PXN: variants seen among roughly 807,000 people sequenced by gnomAD.
The protein encoded by PXN is paxillin, also known as testicular tissue protein Li 134.
In PXN, 61 loss-of-function variants were observed where a neutral mutation model predicts 103.6. The observed-to-expected ratio is 0.59, with a 90% CI of 0.48 to 0.73. The LOEUF is 0.73. Ranked by LOEUF, PXN falls within the 30% of genes least tolerant of loss-of-function variation. The pLI, the probability that PXN is intolerant of heterozygous loss-of-function variation, is 0.00. For missense variants in PXN, 1,274 were observed against 1,460.3 expected (o/e 0.87, Z 2.08); for synonymous variants, 562 against 607.8 (o/e 0.92, Z 1.11).
chr12:120,265,707 C>A lies in PXN; in HGVS notation c.-78G>T. The A allele has an allele frequency of 8.0e-7, 1 of 1,249,392 alleles. No individual in the cohort carries two copies. The highest frequency in any genetic ancestry group is 1.6e-5 in the African/African-American group (1 of 63,328). 77.4% of individuals were successfully genotyped at this position (1,249,392 alleles called of 1,614,324 possible). On this transcript the variant is annotated 5_prime_UTR_variant, in exon 1 of 15. Coordinates refer to ENST00000637617, the MANE Select transcript of PXN (RefSeq NM_001385981.1). This position sits in a 1 kb window ranked among gnomAD's most constrained non-coding sequence, Gnocchi z 5.7. ...CGCTCGTCTATGCCCCGCAACTTTT[C>A]CGCCGCGAGCCTCGGCCCGGAACGG... is the stretch of plus-strand genomic sequence containing the variant.
intron 1 of PXN, among the ~76,000 whole-genome samples, chr12:120,259,148 T>G (rs982125173): frequency 6.6e-6 from 1 of 151,420 alleles, no homozygotes; most frequent in Non-Finnish European, 1.5e-5. Context: ...TCCCAGCACT[T>G]TGGGAGGCTG....
At chr12:120,246,467 C>T (rs1374281104) in intron 1 of PXN, among the ~76,000 whole-genome samples, 2 of 134,308 alleles carry the variant, frequency 1.5e-5, no homozygotes, top group Non-Finnish European at 3.1e-5. Context: ...GCAGAGGTTG[C>T]AGTGAGCCAT....
chr12:120,219,782 CCTGA>C lies in PXN; in HGVS notation c.1137_1140del (p.Ser379ArgfsTer82), dbSNP rs1884525715. The C allele has an allele frequency of 6.3e-7, 1 of 1,598,166 alleles. No homozygotes were observed. On this transcript the variant is annotated frameshift_variant, in exon 7 of 15. Transcript: ENST00000637617. LOFTEE classifies it high-confidence loss of function. The surrounding 1 kb of genome is among the most constrained non-coding windows in gnomAD (Gnocchi z 6.5). ...GTCGGCAGGTGCCTCCAATCTCGAC[CCTGA>C]CTCTCTGTGCCCACTGCCCACAGAG...
At position 120,215,766 on chromosome 12, in the gene PXN, G is replaced by A; in HGVS notation, c.2302-105C>T. On this transcript the variant is annotated intron_variant, in intron 9 of 14. Transcript: ENST00000637617. The surrounding 1 kb of genome is among the most constrained non-coding windows in gnomAD (Gnocchi z 4.9). ...AAGGGAATCTAGGATGAGATCTGAG[G>A]GTTTCTCCCCCACCGGCAGGACCAA... is the stretch of plus-strand genomic sequence containing the variant. 4.5e-6 allele frequency: 6 copies of A among 1,336,496 alleles called. No individual in the cohort carries two copies. The highest frequency in any genetic ancestry group is 5.9e-6 in the Non-Finnish European group (6 of 1,015,088). 82.8% of individuals were successfully genotyped at this position (1,336,496 alleles called of 1,614,324 possible).
Position 120,219,149 on chromosome 12 carries a change from G to A in PXN, c.1716+58C>T, listed in dbSNP as rs540042200. 7.2e-5 allele frequency: 104 copies of A among 1,441,144 alleles called. 1 individual carries two copies. Among genetic ancestry groups the A allele is most frequent in the East Asian group, 5.5e-4 (23 of 41,536 alleles). 89.3% of individuals were successfully genotyped at this position (1,441,144 alleles called of 1,614,324 possible). ...AGGCTGCATGCAGTTAGCGAGGAGC[G>A]GCCCACACTCAGACCCGCCAATGGC... On this transcript the variant is annotated intron_variant, in intron 7 of 14. Coordinates refer to ENST00000637617, the MANE Select transcript of PXN (RefSeq NM_001385981.1). This position sits in a 1 kb window ranked among gnomAD's most constrained non-coding sequence, Gnocchi z 6.5.
Position 120,221,604 on chromosome 12 carries a change from T to C in PXN, c.831+19A>G. 1 of 1,555,178 alleles carries C rather than the reference T, an allele frequency of 6.4e-7. No homozygotes were observed. The highest frequency in any genetic ancestry group is 2.4e-5 in the East Asian group (1 of 41,516). ...GGGAGGGGCGGCAGGGCAGGGAAGATGGAGGGTTCACAGGGCACCTTGAAA... is the reference window on the plus strand; with the variant it reads ...GGGAGGGGCGGCAGGGCAGGGAAGACGGAGGGTTCACAGGGCACCTTGAAA... On this transcript the variant is annotated intron_variant, in intron 6 of 14. Transcript: ENST00000637617. The surrounding 1 kb of genome is among the most constrained non-coding windows in gnomAD (Gnocchi z 6.6).
At chr12:120,264,884 T>G in intron 1 of PXN, among the ~76,000 whole-genome samples, 1 of 152,010 alleles carries the variant, frequency 6.6e-6, no homozygotes, top group East Asian at 1.9e-4. Flanking sequence ...ATTGAGGGGC[T>G]GGTCCACAGA....
At chr12:120,238,855 G>C (rs1291510430) in intron 1 of PXN, among the ~76,000 whole-genome samples, 2 of 152,194 alleles carry the variant, frequency 1.3e-5, no homozygotes, top group Non-Finnish European at 2.9e-5. Context: ...GGCAGTACCT[G>C]CTCTGTGCCT....
chr12:120,211,747 G>A lies in PXN; in HGVS notation c.*567C>T, dbSNP rs948104500. ...GCGGGTCTAAAAGGCAGGGGCAGTC[G>A]CCAGGCCTAGGGCACTGGAAGGGTA... On this transcript the variant is annotated 3_prime_UTR_variant, in exon 15 of 15. Coordinates refer to ENST00000637617, the MANE Select transcript of PXN (RefSeq NM_001385981.1). 39 of 351,270 alleles carry A rather than the reference G, an allele frequency of 1.1e-4. No homozygotes were observed. Among genetic ancestry groups the A allele is most frequent in the Non-Finnish European group, 1.4e-4 (25 of 175,472 alleles). The allele number at this position is 351,270 out of a possible 1,614,324, so 21.8% of individuals were successfully genotyped here. A position where few individuals can be genotyped will look rare whatever the true frequency, so the allele number is the denominator to read the frequency against.
chr12:120,237,148 TACAC>T (rs201905149), intron 1 of PXN, among the ~76,000 whole-genome samples: 27,652 of 137,288 alleles, frequency 0.2, 3,001 homozygotes, highest in East Asian at 0.38. Flanking sequence ...TGTGTGTGTA[TACAC>T]ACACACACAC....
chr12:120,258,054 G>A (rs1295857219), intron 1 of PXN, among the ~76,000 whole-genome samples: 2 of 152,016 alleles, frequency 1.3e-5, no homozygotes, highest in Non-Finnish European at 2.9e-5. Flanking sequence ...TTAGTCAGGC[G>A]TGATGACGCA....
At position 120,211,957 on chromosome 12, in the gene PXN, C is replaced by A. The variant is rs763443985; in HGVS notation, c.*357G>T. ...AGACCCTGCCTGCCCTTCCCTGCCC[C>A]CCGGCTGCACTGCTGAAATATGAGG... On this transcript the variant is annotated 3_prime_UTR_variant, in exon 15 of 15. Transcript: ENST00000637617. The A allele has an allele frequency of 8.9e-6, 5 of 559,932 alleles. No homozygotes were observed. Among genetic ancestry groups the A allele is most frequent in the South Asian group, 2.8e-5 (2 of 71,950 alleles). The allele number at this position is 559,932 out of a possible 1,614,324, so 34.7% of individuals were successfully genotyped here.
Position 120,247,655 on chromosome 12 carries a change from G to T in PXN, c.13+17962C>A, listed in dbSNP as rs75817804. ...ATAAGAAAAACGCCTCGTGATGAAGGTTCTAGGACAAGGGATCGTTTCCAG... is the reference window on the plus strand; with the variant it reads ...ATAAGAAAAACGCCTCGTGATGAAGTTTCTAGGACAAGGGATCGTTTCCAG... On this transcript the variant is annotated intron_variant, in intron 1 of 14. Coordinates refer to ENST00000637617, the MANE Select transcript of PXN (RefSeq NM_001385981.1). 5.6e-3 allele frequency: 881 copies of T among 157,208 alleles called. 9 individuals are homozygous for T. The highest frequency in any genetic ancestry group is 0.02 in the African/African-American group (846 of 41,622). 9.7% of individuals were successfully genotyped at this position (157,208 alleles called of 1,614,324 possible).
chr12:120,243,352 G>A (rs1459017212), intron 1 of PXN, among the ~76,000 whole-genome samples: 1 of 152,150 alleles, frequency 6.6e-6, no homozygotes, highest in South Asian at 2.1e-4. Flanking sequence ...TTAAGTAAAG[G>A]ACAAAGGTTG....
At chr12:120,241,688 C>T (rs897514386) in intron 1 of PXN, among the ~76,000 whole-genome samples, 7 of 152,206 alleles carry the variant, frequency 4.6e-5, no homozygotes, top group African/African-American at 1.7e-4. Flanking sequence ...GGAAAACAGC[C>T]TGGGAAAGTG....
chr12:120,217,193 C>A lies in PXN; in HGVS notation c.1717-77G>T. 8.2e-7 allele frequency: 1 copy of A among 1,221,586 alleles called. No individual in the cohort carries two copies. Among genetic ancestry groups the A allele is most frequent in the Non-Finnish European group, 1.1e-6 (1 of 871,336 alleles). 75.7% of individuals were successfully genotyped at this position (1,221,586 alleles called of 1,614,324 possible). The stretch of plus-strand genomic sequence containing the variant: ...ACGCTGCTCAGGCCACACTCAGATG[C>A]CTCAGGAGAGGGAGCACAAAAGAAA... On this transcript the variant is annotated intron_variant, in intron 7 of 14. Transcript: ENST00000637617. The surrounding 1 kb of genome is among the most constrained non-coding windows in gnomAD (Gnocchi z 4.1).
At chr12:120,235,447 C>G (rs2136450374) in intron 1 of PXN, among the ~76,000 whole-genome samples, 1 of 152,258 alleles carries the variant, frequency 6.6e-6, no homozygotes, top group Admixed American at 6.5e-5. Flanking sequence ...CATAAGGCCC[C>G]ACGAGGACTG....
intron 1 of PXN, among the ~76,000 whole-genome samples, chr12:120,227,794 C>T (rs1566402490): frequency 6.6e-6 from 1 of 152,182 alleles, no homozygotes. Context: ...CAGTAGACTC[C>T]TAGCTTTACT....
intron 1 of PXN, among the ~76,000 whole-genome samples, chr12:120,234,188 C>T (rs1286422302): frequency 6.6e-6 from 1 of 152,018 alleles, no homozygotes; most frequent in Admixed American, 6.6e-5. Context: ...TGCTTGAGGC[C>T]AGGAGTTCGA....
Sources: allele counts gnomAD v4.1 joint callset (sites outside exome capture counted in the v4.1 genomes callset), GRCh38; gene constraint gnomAD v4.1.1; non-coding constraint Gnocchi (gnomAD v3.1); transcripts MANE v1.5; gene names NCBI Gene and HGNC (gene_info 2026-07-23, HGNC 2026-07-21).